The following SLC15A2 variants were observed in gnomAD, a reference collection of about 807,000 sequenced individuals.
The protein encoded by SLC15A2 is kidney H(+)/peptide cotransporter.
A neutral mutation model predicts 95.5 loss-of-function variants in SLC15A2; 77 were observed. That is an observed-to-expected ratio of 0.81 (90% CI 0.67 to 0.97). The LOEUF is 0.97. Ranked by LOEUF, SLC15A2 falls within the 50% of genes least tolerant of loss-of-function variation. The pLI, the probability that SLC15A2 is intolerant of heterozygous loss-of-function variation, is 0.00. For synonymous variants in SLC15A2, 306 were observed against 306.9 expected, an observed-to-expected ratio of 1.00 and a Z score of 0.03; for missense variants, 893 against 874.4, an observed-to-expected ratio of 1.02 and a Z score of -0.27.
chr3:121,920,555 C>T (rs1461433657), intron 7 of SLC15A2, among the ~76,000 whole-genome samples: 1 of 152,180 alleles, frequency 6.6e-6, no homozygotes, highest in African/African-American at 2.4e-5. Context: ...CTTAGCCTTC[C>T]AAACTGCTAA....
chr3:121,934,166 C>A (rs1293512226), intron 19 of SLC15A2, among the ~76,000 whole-genome samples: 1 of 152,180 alleles, frequency 6.6e-6, no homozygotes, highest in African/African-American at 2.4e-5. Flanking sequence ...ATTACTGTAG[C>A]CTTGTAGTAT....
intron 5 of SLC15A2, chr3:121,914,924 C>A: frequency 5.9e-6 from 5 of 841,530 alleles, no homozygotes; most frequent in Non-Finnish European, 7.3e-6. Context: ...AATGCAAAGA[C>A]ATTAATATTA....
At chr3:121,917,861 C>T (rs1434516315) in intron 7 of SLC15A2, among the ~76,000 whole-genome samples, 1 of 151,908 alleles carries the variant, frequency 6.6e-6, no homozygotes, top group African/African-American at 2.4e-5. Flanking sequence ...AGACAAGAGG[C>T]TGAGAAATAG....
intron 7 of SLC15A2, among the ~76,000 whole-genome samples, chr3:121,920,547 T>C (rs921219951): frequency 6.6e-6 from 1 of 152,180 alleles, no homozygotes; most frequent in Non-Finnish European, 1.5e-5. Context: ...CCATCCGCCT[T>C]AGCCTTCCAA....
chr3:121,898,442 G>A (rs1340088488), intron 3 of SLC15A2, among the ~76,000 whole-genome samples: 1 of 152,038 alleles, frequency 6.6e-6, no homozygotes. Flanking sequence ...TGTTATAATT[G>A]TCCCCTATAA....
At chr3:121,926,132 G>C (rs973245929) in intron 13 of SLC15A2, among the ~76,000 whole-genome samples, 1 of 151,982 alleles carries the variant, frequency 6.6e-6, no homozygotes, top group Non-Finnish European at 1.5e-5. Flanking sequence ...AAAAGTAATT[G>C]GTCATGGAAA....
chr3:121,900,988 A>ATATGTATAATATATAAG (rs1709508912), intron 3 of SLC15A2, among the ~76,000 whole-genome samples: 1 of 149,178 alleles, frequency 6.7e-6, no homozygotes, highest in African/African-American at 2.4e-5. Flanking sequence ...AATGTATATA[A>ATATGTATAATATATAAG]TATGTATAAT....
chr3:121,909,316 G>C (rs951475034), intron 3 of SLC15A2, among the ~76,000 whole-genome samples: 1 of 152,148 alleles, frequency 6.6e-6, no homozygotes, highest in Non-Finnish European at 1.5e-5. Context: ...GTCCACCTCA[G>C]CTTCCTGAAG....
At chr3:121,901,950 G>T (rs1361893948) in intron 3 of SLC15A2, among the ~76,000 whole-genome samples, 2 of 152,094 alleles carry the variant, frequency 1.3e-5, no homozygotes, top group Non-Finnish European at 2.9e-5. Context: ...CCCTGAAGGG[G>T]CAATTTCCTG....
chr3:121,935,638 A>G (rs1710327938), intron 19 of SLC15A2, among the ~76,000 whole-genome samples: 1 of 151,624 alleles, frequency 6.6e-6, no homozygotes, highest in South Asian at 2.1e-4. Context: ...TATTGCGTCT[A>G]TTTGATTCTT....
chr3:121,937,134 G>A (rs1415697039), intron 19 of SLC15A2, among the ~76,000 whole-genome samples: 9 of 83,484 alleles, frequency 1.1e-4, no homozygotes, highest in Admixed American at 3.0e-4. Context: ...CGAGAGATCC[G>A]CTGTTAGTCT....
intron 13 of SLC15A2, among the ~76,000 whole-genome samples, chr3:121,925,947 TA>T (rs1445307887): frequency 2.0e-5 from 3 of 151,500 alleles, no homozygotes; most frequent in African/African-American, 7.3e-5. Context: ...ATTTGTTCAA[TA>T]AACCTGATTG....
In SLC15A2 at chr3:121,942,430, G is replaced by A. The variant is rs1207067135; in HGVS notation, c.*1423G>A. 6.6e-6 allele frequency: 1 copy of A among 152,154 alleles called. No homozygotes were observed. Among genetic ancestry groups the A allele is most frequent in the Non-Finnish European group, 1.5e-5 (1 of 68,020 alleles). The allele number at this position is 152,154 out of a possible 1,614,324, so 9.4% of individuals were successfully genotyped here. On this transcript the variant is annotated 3_prime_UTR_variant, in exon 22 of 22. Transcript: ENST00000489711. ...GTAGAACAGTGTTGGGTCTCATACTGTTAATGTTAATACGTAACAATGTTC... is the reference window on the plus strand; with the variant it reads ...GTAGAACAGTGTTGGGTCTCATACTATTAATGTTAATACGTAACAATGTTC...
At chr3:121,904,501 T>C (rs1245051535) in intron 3 of SLC15A2, among the ~76,000 whole-genome samples, 1 of 152,216 alleles carries the variant, frequency 6.6e-6, no homozygotes, top group Non-Finnish European at 1.5e-5. Context: ...CATAGATAGC[T>C]CTTATTATTT....
chr3:121,919,152 C>A (rs536261287), intron 7 of SLC15A2, among the ~76,000 whole-genome samples: 2 of 152,214 alleles, frequency 1.3e-5, no homozygotes, highest in African/African-American at 4.8e-5. Flanking sequence ...TACAGCTGTT[C>A]ACTCCTGTAG....
At chr3:121,905,005 T>A (rs1709603523) in intron 3 of SLC15A2, among the ~76,000 whole-genome samples, 1 of 152,302 alleles carries the variant, frequency 6.6e-6, no homozygotes, top group Admixed American at 6.5e-5. Context: ...GGTAGGCTAT[T>A]AATTATTGCC....
chr3:121,913,036 C>T lies in SLC15A2; in HGVS notation c.444C>T (p.Ile148=), dbSNP rs369404598. Residue 148 remains isoleucine (I), a synonymous_variant, in exon 5 of 22, where the codon ATC becomes ATT. Transcript: ENST00000489711. ...TCCATTTCAGAGTCCTATCATTGAT[C>T]GGCCTGAGTCTAATAGCTTTGGGGA... ...GQVVHTVLSL[I]GLSLIALGTG... is the part of the protein sequence containing the mutation. The T allele has an allele frequency of 4.8e-5, 78 of 1,612,382 alleles. No individual in the cohort carries two copies. The African/African-American group carries it at 5.3e-4, about 11-fold the overall frequency.
chr3:121,911,723 A>G, intron 4 of SLC15A2, 57 bp downstream of exon 4: 1 of 1,177,776 alleles, frequency 8.5e-7, no homozygotes, highest in Non-Finnish European at 1.3e-6. Context: ...GTTACAAATT[A>G]TTTTCTGTTT....
At position 121,894,451 on chromosome 3, in the gene SLC15A2, G is replaced by A. The variant is rs767254276; in HGVS notation, c.-26G>A. On this transcript the variant is annotated 5_prime_UTR_variant, in exon 1 of 22. Transcript: ENST00000489711. Reference sequence around the variant, plus strand: ...TGCCTACTAAAGCCAAATGCTTGAGGAGAGAGAGAGAGTAAGGAGCCAGCC... The same window carrying A: ...TGCCTACTAAAGCCAAATGCTTGAGAAGAGAGAGAGAGTAAGGAGCCAGCC... 1.3e-6 allele frequency: 2 copies of A among 1,489,596 alleles called. No homozygotes were observed. The highest frequency in any genetic ancestry group is 4.7e-5 in the East Asian group (2 of 42,736). The allele number at this position is 1,489,596 out of a possible 1,614,324, so 92.3% of individuals were successfully genotyped here. A position where few individuals can be genotyped will look rare whatever the true frequency, so the allele number is the denominator to read the frequency against.
Sources: allele counts gnomAD v4.1 joint callset (sites outside exome capture counted in the v4.1 genomes callset), GRCh38; gene constraint gnomAD v4.1.1; transcripts MANE v1.5; gene names NCBI Gene and HGNC (gene_info 2026-07-23, HGNC 2026-07-21).